Variants in APC2 observed in about 807,000 individuals in gnomAD.
APC2 encodes the protein adenomatous polyposis coli protein 2.
A neutral mutation model predicts 72.5 loss-of-function variants in APC2; 41 were observed. That is an observed-to-expected ratio of 0.57 (90% CI 0.44 to 0.73). The LOEUF is 0.73. Among genes scored for constraint, APC2 ranks in the 30% least tolerant of loss-of-function variants. The pLI, the probability that APC2 is intolerant of heterozygous loss-of-function variation, is 0.00. For missense variants in APC2, 3,729 were observed against 3,403.4 expected, an observed-to-expected ratio of 1.10 and a Z score of -2.38; for synonymous variants, 1,898 against 1,612.0, an observed-to-expected ratio of 1.18 and a Z score of -4.25.
Position 1,469,109 on chromosome 19 carries a change from G to A in APC2, c.5808G>A (p.Pro1936=), listed in dbSNP as rs1568184878. 2.2e-6 allele frequency: 3 copies of A among 1,387,274 alleles called. No homozygotes were observed. Among genetic ancestry groups the A allele is most frequent in the Admixed American group, 3.0e-5 (1 of 33,536 alleles). The allele number at this position is 1,387,274 out of a possible 1,614,324, so 85.9% of individuals were successfully genotyped here. ...SPVRIPFMQR[P]ARRGPPPLAR... ...TGCGGATCCCGTTCATGCAGAGGCCGGCCCGGCGTGGGCCGCCACCGCTGG... is the reference window on the plus strand; with the variant it reads ...TGCGGATCCCGTTCATGCAGAGGCCAGCCCGGCGTGGGCCGCCACCGCTGG... The change falls in exon 15 of 15, where the codon CCG becomes CCA. Residue 1936 remains proline, a synonymous_variant. Coordinates refer to ENST00000590469, the MANE Select transcript of APC2 (RefSeq NM_005883.3).
In APC2 at chr19:1,468,115, C is replaced by A. The variant is rs759638861; in HGVS notation, c.4814C>A (p.Ala1605Glu). Reference protein sequence around the residue: ...PAVHPRGREPAVTKDPGPGGG... With the variant: ...PAVHPRGREPEVTKDPGPGGG... ...GTCCATCCACGAGGCCGGGAGCCCGCGGTCACCAAGGACCCGGGCCCAGGA... is the reference window on the plus strand; with the variant it reads ...GTCCATCCACGAGGCCGGGAGCCCGAGGTCACCAAGGACCCGGGCCCAGGA... Residue 1605 changes from alanine (A) to glutamate (E), a missense_variant, in exon 15 of 15, where the codon GCG becomes GAG. Physicochemically the swap from Ala to Glu is moderately radical, Grantham distance 107. Transcript: ENST00000590469. 13 of 1,519,642 alleles carry A rather than the reference C, an allele frequency of 8.6e-6. No individual in the cohort carries two copies. Among genetic ancestry groups the A allele is most frequent in the African/African-American group, 1.4e-5 (1 of 69,810 alleles). The allele number at this position is 1,519,642 out of a possible 1,614,324, so 94.1% of individuals were successfully genotyped here.
chr19:1,458,515 T>C (rs1237489685), intron 10 of APC2: 1 of 160,290 alleles, frequency 6.2e-6, no homozygotes, highest in African/African-American at 2.4e-5. Flanking sequence ...GGAGGATGAC[T>C]TTAGCTCAGA....
chr19:1,454,628 A>G (rs2083790618), intron 4 of APC2, among the ~76,000 whole-genome samples: 1 of 145,014 alleles, frequency 6.9e-6, no homozygotes, highest in African/African-American at 2.6e-5. Context: ...CAGTGGCGCG[A>G]TCTCGGCTCA....
rs73516821 is a variant in APC2, at chr19:1,468,697, C to T, written c.5396C>T (p.Pro1799Leu). ...CGAACAGTGATCTACGTCCCCAGCC[C>T]GGCACCCCGTGCCCAGCCCAAAGGG... ...RGRTVIYVPS[P>L]APRAQPKGTP... The change falls in exon 15 of 15, where the codon CCG becomes CTG. Residue 1799 changes from proline (P) to leucine (L), a missense_variant. Coordinates refer to ENST00000590469, the MANE Select transcript of APC2 (RefSeq NM_005883.3). 970 of 1,543,928 alleles carry T rather than the reference C, an allele frequency of 6.3e-4. 4 individuals are homozygous for T. In the African/African-American group the frequency reaches 6.6e-3, roughly 11 times the overall value.
Position 1,458,280 on chromosome 19 carries a change from C to G in APC2, c.1303+220C>G, listed in dbSNP as rs557991091. On this transcript the variant is annotated intron_variant, in intron 10 of 14. Coordinates refer to ENST00000590469, the MANE Select transcript of APC2 (RefSeq NM_005883.3). ...GCTGCGTGTGGCCTCCCGATCTGGT[C>G]TGAGGCTTCGGGGGTGACTTTCAGC... is the stretch of plus-strand genomic sequence containing the variant. 15 of 581,894 alleles carry G rather than the reference C, an allele frequency of 2.6e-5. No homozygotes were observed. In the South Asian group the frequency reaches 2.8e-4, roughly 11 times the overall value. The allele number at this position is 581,894 out of a possible 1,614,324, so 36.0% of individuals were successfully genotyped here.
rs1367364116 is a variant in APC2, at chr19:1,457,054, G to A, written c.1018G>A (p.Ala340Thr). The change falls in exon 9 of 15, where the codon GCC becomes ACC. Residue 340 changes from alanine (A) to threonine (T), a missense_variant. Physicochemically the swap from Ala to Thr is moderately conservative, Grantham distance 58. Coordinates refer to ENST00000590469, the MANE Select transcript of APC2 (RefSeq NM_005883.3). ...GRAGAPGAPG[A>T]KDARMRANAA... is the part of the protein sequence containing the mutation. The stretch of plus-strand genomic sequence containing the variant: ...CGCCGGGGCCCCAGGGGCACCGGGC[G>A]CCAAGGACGCACGCATGCGCGCCAA... The A allele has an allele frequency of 6.5e-6, 10 of 1,533,462 alleles. No homozygotes were observed. In the South Asian group the frequency reaches 7.3e-5, roughly 11 times the overall value. 95.0% of individuals were successfully genotyped at this position (1,533,462 alleles called of 1,614,324 possible).
rs1189015066 is a variant in APC2, at chr19:1,465,545, G to C, written c.2244G>C (p.Pro748=). ...AGCACCTGGAGAAGCAGGGCCCGCC[G>C]GCAGCCGAGGCCGCCACTAAGAAGC... ...ALEHLEKQGP[P]AAEAATKKPL... is the part of the protein sequence containing the mutation. The change falls in exon 15 of 15, where the codon CCG becomes CCC. Residue 748 remains proline, a synonymous_variant. Coordinates refer to ENST00000590469, the MANE Select transcript of APC2 (RefSeq NM_005883.3). 2 of 1,533,900 alleles carry C rather than the reference G, an allele frequency of 1.3e-6. No individual in the cohort carries two copies. The highest frequency in any genetic ancestry group is 1.2e-5 in the South Asian group (1 of 82,922).
intron 8 of APC2, 133 bp from the exon 9 acceptor site, chr19:1,456,720 T>A: frequency 8.5e-7 from 1 of 1,175,002 alleles, no homozygotes; most frequent in Non-Finnish European, 1.2e-6. Flanking sequence ...CCTCCTAGCG[T>A]CCCCTCATCT....
chr19:1,467,842 C>A lies in APC2; in HGVS notation c.4541C>A (p.Ser1514Ter). Reference protein sequence around the residue: ...EAVYCFYGNDSDEEPPAAAPT... With the variant: ...EAVYCFYGND ...GTGTACTGCTTCTACGGCAACGACT[C>A]GGACGAGGAGCCCCCGGCGGCCGCG... Residue 1514 changes from serine to a stop codon, truncating the protein, a stop_gained, in exon 15 of 15, where the codon TCG (serine) becomes TAG (stop). Transcript: ENST00000590469. LOFTEE classifies it low-confidence loss of function (END_TRUNC). 1 of 1,532,242 alleles carries A rather than the reference C, an allele frequency of 6.5e-7. No individual in the cohort carries two copies. Among genetic ancestry groups the A allele is most frequent in the Non-Finnish European group, 8.7e-7 (1 of 1,147,544 alleles). 94.9% of individuals were successfully genotyped at this position (1,532,242 alleles called of 1,614,324 possible). A position where few individuals can be genotyped will look rare whatever the true frequency, so the allele number is the denominator to read the frequency against.
chr19:1,461,857 AAAAAAAC>A (rs759376719), intron 13 of APC2, 99 bp from the exon 14 acceptor site: 26 of 1,009,772 alleles, frequency 2.6e-5, no homozygotes, highest in South Asian at 1.7e-4. Flanking sequence ...GTCTCAAAAA[AAAAAAAC>A]AAAAAACAAA....
chr19:1,452,955 A>T lies in APC2; in HGVS notation c.-18-29A>T, dbSNP rs1278772406. 1 of 1,604,644 alleles carries T rather than the reference A, an allele frequency of 6.2e-7. No individual in the cohort carries two copies. On this transcript the variant is annotated intron_variant, in intron 1 of 14. Transcript: ENST00000590469. The surrounding 1 kb of genome is among the most constrained non-coding windows in gnomAD (Gnocchi z 5.1). ...ATCACCGCGCCCTCCCCAGACCATCAGCTGAACCCTCTGACCCTGTGATCC... is the reference window on the plus strand; with the variant it reads ...ATCACCGCGCCCTCCCCAGACCATCTGCTGAACCCTCTGACCCTGTGATCC...
At chr19:1,459,273 C>A (rs1216469646) in intron 10 of APC2, among the ~76,000 whole-genome samples, 1 of 152,026 alleles carries the variant, frequency 6.6e-6, no homozygotes, top group East Asian at 1.9e-4. Flanking sequence ...GGCGCCATCT[C>A]GGCTCACTGC....
intron 8 of APC2, 114 bp downstream of exon 8, chr19:1,456,518 G>A: frequency 8.6e-7 from 1 of 1,159,250 alleles, no homozygotes; most frequent in South Asian, 1.5e-5. Context: ...GCACCCCCTC[G>A]GGTGTAGGAA....
At chr19:1,454,668 A>ATTCT (rs1162441923) in intron 4 of APC2, among the ~76,000 whole-genome samples, 7 of 146,616 alleles carry the variant, frequency 4.8e-5, no homozygotes, top group African/African-American at 1.5e-4. Flanking sequence ...GGTTCACACC[A>ATTCT]TTCTCCCACC....
At position 1,453,532 on chromosome 19, in the gene APC2, G is replaced by T; in HGVS notation, c.334G>T (p.Gly112Cys). Residue 112 changes from glycine to cysteine, a missense_variant, in exon 4 of 15, where the codon GGC (glycine) becomes TGC (cysteine). Transcript: ENST00000590469. ...GACCCCCGAGGGCAGCCCAGTACACGGCTCCGGGCCCTCCAAGGACAGCTT... is the reference window on the plus strand; with the variant it reads ...GACCCCCGAGGGCAGCCCAGTACACTGCTCCGGGCCCTCCAAGGACAGCTT... ...ARTPEGSPVH[G>C]SGPSKDSFGE... 2 of 1,611,610 alleles carry T rather than the reference G, an allele frequency of 1.2e-6. No individual in the cohort carries two copies. Among genetic ancestry groups the T allele is most frequent in the South Asian group, 2.2e-5 (2 of 91,040 alleles).
In APC2 at chr19:1,468,773, A is replaced by G; in HGVS notation, c.5472A>G (p.Ala1824=). ...GGAAGGTGGCGCCCCCTTGCCTGGC[A>G]CAGCCCGCGGCTCCAGCCAAAGTCC... The part of the protein sequence containing the change: ...TPRKVAPPCL[A]QPAAPAKVPS... The change falls in exon 15 of 15, where the codon GCA becomes GCG. Residue 1824 remains alanine (A), a synonymous_variant. Transcript: ENST00000590469. The G allele has an allele frequency of 6.6e-7, 1 of 1,506,832 alleles. No homozygotes were observed. The highest frequency in any genetic ancestry group is 8.9e-7 in the Non-Finnish European group (1 of 1,128,282). The allele number at this position is 1,506,832 out of a possible 1,614,324, so 93.3% of individuals were successfully genotyped here. A position where few individuals can be genotyped will look rare whatever the true frequency, so the allele number is the denominator to read the frequency against.
intron 13 of APC2, 191 bp from the exon 14 acceptor site, chr19:1,461,772 A>T (rs1396028697): frequency 3.5e-6 from 2 of 579,558 alleles, no homozygotes; most frequent in Non-Finnish European, 6.1e-6. Context: ...GAATCGCTTG[A>T]ACTGGGGAGT....
intron 4 of APC2, among the ~76,000 whole-genome samples, chr19:1,454,586 C>T (rs191126530): frequency 0.024 from 2,805 of 116,712 alleles, 125 homozygotes; most frequent in African/African-American, 0.09. Flanking sequence ...TTTTTTGAGA[C>T]GGAGTCTCGC....
At chr19:1,448,537 C>A (rs1021959857), upstream of APC2, among the ~76,000 whole-genome samples, 1 of 146,464 alleles carries the variant, frequency 6.8e-6, no homozygotes, top group Non-Finnish European at 1.5e-5. Context: ...CAGAGCAAGA[C>A]CCCATCTAAA....
Sources: gnomAD v4.1 joint callset for allele counts (sites outside exome capture counted in the v4.1 genomes callset) on GRCh38, gnomAD v4.1.1 for gene constraint, Gnocchi (gnomAD v3.1) non-coding constraint, MANE v1.5 for transcripts, NCBI Gene and HGNC (gene_info 2026-07-23, HGNC 2026-07-21) for gene names.